TSC2: variants seen among roughly 807,000 people sequenced by gnomAD.
The protein encoded by TSC2 is TSC complex subunit 2, also known as tuberin.
TSC2 carries 29 observed loss-of-function variants against 202.2 expected under a neutral mutation model. The ratio of observed to expected loss-of-function variants is 0.14; its 90% CI spans 0.11 to 0.20. TSC2 has a LOEUF of 0.20. TSC2 is among the 10% of genes least tolerant of loss of function. The pLI is 1.00. For synonymous variants in TSC2, 1,349 were observed against 1,044.0 expected, an observed-to-expected ratio of 1.29 and a Z score of -5.63; for missense variants, 2,429 against 2,420.0, an observed-to-expected ratio of 1.00 and a Z score of -0.08.
Position 2,080,274 on chromosome 16 carries a change from C to G in TSC2, c.3507C>G (p.Ala1169=), listed in dbSNP as rs2089968510. 2.5e-6 allele frequency: 4 copies of G among 1,612,978 alleles called. No individual in the cohort carries two copies. Among genetic ancestry groups the G allele is most frequent in the Non-Finnish European group, 3.4e-6 (4 of 1,180,018 alleles). Residue 1169 remains alanine, a synonymous_variant, in exon 30 of 42, where the codon GCC becomes GCG. Coordinates refer to ENST00000219476, the MANE Select transcript of TSC2 (RefSeq NM_000548.5). The part of the protein sequence containing the change: ...RTAPAAKPEK[A]SAGTRVPVQE... Reference sequence around the variant, plus strand: ...CACCAGCCGCGAAACCTGAGAAGGCCTCAGCTGGCACCCGGGTTCCTGTGC... The same window carrying G: ...CACCAGCCGCGAAACCTGAGAAGGCGTCAGCTGGCACCCGGGTTCCTGTGC...
At chr16:2,055,908 A>G (rs112848928) in intron 6 of TSC2, 29 of 522,112 alleles carry the variant, frequency 5.6e-5, no homozygotes, top group East Asian at 1.4e-4. Context: ...AAAAAAAAAA[A>G]AGAGAAGTAC....
rs1285012780 is a variant in TSC2, at chr16:2,084,482, A to G, written c.4260A>G (p.Ser1420=). 19 of 1,609,448 alleles carry G rather than the reference A, an allele frequency of 1.2e-5. No homozygotes were observed. Among genetic ancestry groups the G allele is most frequent in the Non-Finnish European group, 1.6e-5 (19 of 1,178,732 alleles). ...CTGAGGTTAAGGCCCGGTCACAGTC[A>G]GGGACCCTGGACGGGGAAAGTGCTG... ...LSPEVKARSQ[S]GTLDGESAAW... is the part of the protein sequence containing the mutation. The change falls in exon 34 of 42, where the codon TCA becomes TCG. Residue 1420 remains serine, a synonymous_variant. Coordinates refer to ENST00000219476, the MANE Select transcript of TSC2 (RefSeq NM_000548.5).
chr16:2,087,530 C>G (rs1204190877), intron 38 of TSC2, among the ~76,000 whole-genome samples: 1 of 149,906 alleles, frequency 6.7e-6, no homozygotes, highest in Non-Finnish European at 1.5e-5. Flanking sequence ...TGTGGTGGTG[C>G]CGAGATGGGG....
At position 2,086,105 on chromosome 16, in the gene TSC2, C is replaced by T. The variant is rs146465188; in HGVS notation, c.4663-88C>T. On this transcript the variant is annotated intron_variant, in intron 36 of 41. Coordinates refer to ENST00000219476, the MANE Select transcript of TSC2 (RefSeq NM_000548.5). ...GCCTCAGGGATCAGAGTGGGGCTCC[C>T]GGCAGAGCCTGCTGGGCACCCCCAC... 1,591 of 1,526,050 alleles carry T rather than the reference C, an allele frequency of 1.0e-3. 6 individuals carry two copies. In the African/African-American group the frequency reaches 0.014, roughly 14 times the overall value. 94.5% of individuals were successfully genotyped at this position (1,526,050 alleles called of 1,614,324 possible). A position where few individuals can be genotyped will look rare whatever the true frequency, so the allele number is the denominator to read the frequency against.
chr16:2,076,919 G>A (rs769942195), intron 25 of TSC2, among the ~76,000 whole-genome samples: 1 of 152,122 alleles, frequency 6.6e-6, no homozygotes, highest in Non-Finnish European at 1.5e-5. Flanking sequence ...GCTGCTAGCC[G>A]GGGACTCTGC....
At chr16:2,084,844 G>T (rs2090565476) in intron 34 of TSC2, 107 bp from the exon 35 acceptor site, 2 of 1,600,094 alleles carry the variant, frequency 1.2e-6, no homozygotes, top group African/African-American at 1.3e-5. Flanking sequence ...GGAACCCCTG[G>T]GAGGGCGGTG....
chr16:2,065,119 GA>G (rs79069913), intron 15 of TSC2: 1,401 of 121,914 alleles, frequency 0.011, no homozygotes, highest in South Asian at 0.027. Flanking sequence ...GTCTCAAAAA[GA>G]AAAAAAAAAA....
At chr16:2,085,184 C>T (rs2090612766) in intron 35 of TSC2, 46 bp from the exon 36 acceptor site, 3 of 1,611,672 alleles carry the variant, frequency 1.9e-6, no homozygotes, top group African/African-American at 1.3e-5. Context: ...GGGCGGCCTC[C>T]TGTGGACGGG....
intron 39 of TSC2, 45 bp from the exon 40 acceptor site, chr16:2,088,003 G>T (rs779792946): frequency 6.2e-7 from 1 of 1,610,328 alleles, no homozygotes; most frequent in Admixed American, 1.7e-5. Context: ...CCTGCAGTGT[G>T]GCGCCAAGAG....
At chr16:2,083,222 T>C (rs1172190766) in intron 32 of TSC2, 1 of 459,764 alleles carries the variant, frequency 2.2e-6, no homozygotes, top group South Asian at 1.5e-5. Context: ...CTCCTTAGCG[T>C]CCCCAGCTGT....
chr16:2,062,015 C>G lies in TSC2; in HGVS notation c.1257+7C>G. On this transcript the variant is annotated splice_region_variant and intron_variant, in intron 12 of 41. Transcript: ENST00000219476. ...ATGTGCGGACCAGAGGCCTGTGAGA[C>G]CCCCTCCTGGGTGGGGCCTTTGGGC... The G allele has an allele frequency of 6.2e-7, 1 of 1,614,022 alleles. No individual in the cohort carries two copies. The highest frequency in any genetic ancestry group is 8.5e-7 in the Non-Finnish European group (1 of 1,179,996).
intron 2 of TSC2, among the ~76,000 whole-genome samples, chr16:2,050,065 C>T (rs776734038): frequency 1.3e-5 from 2 of 151,118 alleles, no homozygotes; most frequent in Non-Finnish European, 2.9e-5. Flanking sequence ...AAGGGATTCT[C>T]CTGCCTCACT....
At chr16:2,056,153 A>T (rs377733757) in intron 6 of TSC2, 43 bp from the exon 7 acceptor site, 1 of 1,611,922 alleles carries the variant, frequency 6.2e-7, no homozygotes, top group South Asian at 1.1e-5. Flanking sequence ...TGGCTCGGCC[A>T]TCCAGGCAGT....
intron 30 of TSC2, chr16:2,081,297 G>C (rs2090115994): frequency 2.1e-6 from 1 of 466,724 alleles, no homozygotes; most frequent in Non-Finnish European, 4.0e-6. Flanking sequence ...CCGTGGCTGA[G>C]GGGTGCAAAG....
Position 2,060,585 on chromosome 16 carries a change from C to T in TSC2, c.976-85C>T, listed in dbSNP as rs959502730. On this transcript the variant is annotated intron_variant, in intron 10 of 41. Coordinates refer to ENST00000219476, the MANE Select transcript of TSC2 (RefSeq NM_000548.5). ...GGGCACTGCGCGCTCAGGCGTGCTA[C>T]TCTCGGTCCCAAGGGTGACTGGGAG... 5.0e-6 allele frequency: 8 copies of T among 1,608,102 alleles called. 1 individual carries two copies. Among genetic ancestry groups the T allele is most frequent in the South Asian group, 3.3e-5 (3 of 90,626 alleles).
At chr16:2,060,629 A>G (rs879576793) in intron 10 of TSC2, 41 bp from the exon 11 acceptor site, 17 of 1,613,410 alleles carry the variant, frequency 1.1e-5, no homozygotes, top group Non-Finnish European at 1.4e-5. Flanking sequence ...ACAGCAAGCA[A>G]GCAGCTCTGA....
In TSC2 at chr16:2,087,874, C is replaced by T. The variant is rs551938797; in HGVS notation, c.5001C>T (p.Asn1667=). 3.8e-5 allele frequency: 61 copies of T among 1,612,420 alleles called. 2 individuals are homozygous for T. In the South Asian group the frequency reaches 6.0e-4, roughly 16 times the overall value. The change falls in exon 39 of 42, where the codon AAC becomes AAT. Residue 1667 remains asparagine, a synonymous_variant. Transcript: ENST00000219476. ...FKLGTIKGQF[N]FVHVIVTPLD... is the part of the protein sequence containing the mutation. ...TCTTGTCCGGGCAGGGCCAGTTCAA[C>T]TTTGTCCACGTGATCGTCACCCCGC...
chr16:2,051,221 G>A (rs528913236), intron 3 of TSC2, among the ~76,000 whole-genome samples: 174 of 151,820 alleles, frequency 1.1e-3, no homozygotes, highest in African/African-American at 3.9e-3. Context: ...TTGGGAGGCT[G>A]AGGCAGGAGA....
rs1800705 is a variant in TSC2 at position 2,082,582 on chromosome 16, G to A, written c.3883+78G>A. On this transcript the variant is annotated intron_variant, in intron 32 of 41. Coordinates refer to ENST00000219476, the MANE Select transcript of TSC2 (RefSeq NM_000548.5). Reference sequence around the variant, plus strand: ...AGGTGCTGTGCTCGTCGCCTCATCCGCCCACCCCCATGGTCCGTCTGCCTC... The same window carrying A: ...AGGTGCTGTGCTCGTCGCCTCATCCACCCACCCCCATGGTCCGTCTGCCTC... The A allele has an allele frequency of 0.035, 52,513 of 1,512,880 alleles. 1,111 individuals are homozygous for A. The highest frequency in any genetic ancestry group is 0.042 in the Non-Finnish European group (46,189 of 1,100,828). The allele number at this position is 1,512,880 out of a possible 1,614,324, so 93.7% of individuals were successfully genotyped here. A position where few individuals can be genotyped will look rare whatever the true frequency, so the allele number is the denominator to read the frequency against.
Sources: gnomAD v4.1 joint callset for allele counts (sites outside exome capture counted in the v4.1 genomes callset) on GRCh38, gnomAD v4.1.1 for gene constraint, MANE v1.5 for transcripts, NCBI Gene and HGNC (gene_info 2026-07-23, HGNC 2026-07-21) for gene names.